The following VARS1 variants were observed in gnomAD, a reference collection of about 807,000 sequenced individuals.
VARS1 encodes the protein valine--tRNA ligase.
Under a neutral mutation model 161.0 loss-of-function variants are expected in VARS1, and 92 were observed. The ratio of observed to expected loss-of-function variants is 0.57; its 90% CI spans 0.48 to 0.68. The LOEUF (loss-of-function observed/expected upper bound fraction) is 0.68. VARS1 is among the 30% of genes least tolerant of loss of function. VARS1 has a pLI of 0.00. For synonymous variants in VARS1, 595 were observed against 682.5 expected (o/e 0.87, Z 2.00); for missense variants, 1,338 against 1,695.9 (o/e 0.79, Z 3.71).
At position 31,791,767 on chromosome 6, in the gene VARS1, A is replaced by C. The variant is rs148412450; in HGVS notation, c.973-30T>G. ...TGGTGGAGAAGGATGGCACATGTTT[A>C]AGGCCTCAGGTCACCTCTCCCAGCC... On this transcript the variant is annotated intron_variant, in intron 7 of 29. Transcript: ENST00000375663. This position sits in a 1 kb window ranked among gnomAD's most constrained non-coding sequence, Gnocchi z 5.0. 1,389 of 1,612,968 alleles carry C rather than the reference A, an allele frequency of 8.6e-4. 11 individuals are homozygous for C. The African/African-American group carries it at 0.016, about 19-fold the overall frequency.
chr6:31,790,937 T>C (rs1436047100), intron 8 of VARS1, among the ~76,000 whole-genome samples: 1 of 151,994 alleles, frequency 6.6e-6, no homozygotes, highest in Non-Finnish European at 1.5e-5. Flanking sequence ...AGGAAGTAGG[T>C]GTGGAGGGGG....
rs530764904 is a variant in VARS1 at position 31,779,763 on chromosome 6, C to T, written c.3133G>A (p.Ala1045Thr). 5.0e-6 allele frequency: 8 copies of T among 1,613,006 alleles called. No homozygotes were observed. The Admixed American group carries it at 1.0e-4, about 20-fold the overall frequency. The change falls in exon 27 of 30, where the codon GCC becomes ACC. Residue 1045 changes from alanine (A) to threonine (T), a missense_variant. Around this residue, in one of 3 missense-constraint regions of VARS1, gnomAD observed 433 missense variants for 586.2 expected, o/e 0.74. Coordinates refer to ENST00000375663, the MANE Select transcript of VARS1 (RefSeq NM_006295.3). This position sits in a 1 kb window ranked among gnomAD's most constrained non-coding sequence, Gnocchi z 9.1. ...NGVDQVAAEC[A>T]RQTLYTCLDV... is the part of the protein sequence containing the mutation. The stretch of plus-strand genomic sequence containing the variant: ...AGGCAAGTGTACAGGGTCTGGCGGG[C>T]ACACTCAGCTGCCACCTGGTCCACC...
At position 31,782,545 on chromosome 6, in the gene VARS1, A is replaced by T; in HGVS notation, c.1976T>A (p.Val659Glu). ...LFRGIEDNPM[V>E]VPLCNRSKDV... ...CCACCCTCACTTGCAAAGTGGCACC[A>T]CCATGGGGTTGTCCTCAATGCCACG... The change falls in exon 16 of 30, where the codon GTG becomes GAG. Residue 659 changes from valine (V) to glutamate (E), a missense_variant. Coordinates refer to ENST00000375663, the MANE Select transcript of VARS1 (RefSeq NM_006295.3). This position sits in a 1 kb window ranked among gnomAD's most constrained non-coding sequence, Gnocchi z 8.3. 2 of 1,612,894 alleles carry T rather than the reference A, an allele frequency of 1.2e-6. No individual in the cohort carries two copies. The highest frequency in any genetic ancestry group is 1.7e-6 in the Non-Finnish European group (2 of 1,179,986).
rs986321036 is a variant in VARS1, at chr6:31,791,528, A to T, written c.1100+82T>A. On this transcript the variant is annotated intron_variant, in intron 8 of 29. Transcript: ENST00000375663. This position sits in a 1 kb window ranked among gnomAD's most constrained non-coding sequence, Gnocchi z 5.0. ...GAAGTGAGCACCAACCCAGAAGGAG[A>T]GAGGCTCGGGGGGCTGTCAGGGAAA... is the stretch of plus-strand genomic sequence containing the variant. The T allele has an allele frequency of 5.9e-6, 9 of 1,517,388 alleles. No individual in the cohort carries two copies. The highest frequency in any genetic ancestry group is 5.5e-5 in the African/African-American group (4 of 72,108). 94.0% of individuals were successfully genotyped at this position (1,517,388 alleles called of 1,614,324 possible).
intron 2 of VARS1, 29 bp downstream of exon 2, chr6:31,794,802 C>T: frequency 6.6e-7 from 1 of 1,515,356 alleles, no homozygotes. Flanking sequence ...GAATTTCTCC[C>T]CTCCCCCTCT....
Position 31,792,816 on chromosome 6 carries a change from C to A in VARS1, c.602G>T (p.Arg201Leu). ...FVTCVRQPEF[R>L]AVLGEVVLYS... ...TAGAACCACTTCTCCTAGCACGGCTCGGAATTCTGGCTGCCGGACACACGT... is the reference window on the plus strand; with the variant it reads ...TAGAACCACTTCTCCTAGCACGGCTAGGAATTCTGGCTGCCGGACACACGT... The change falls in exon 4 of 30, where the codon CGA becomes CTA. Residue 201 changes from arginine (R) to leucine (L), a missense_variant. Arg to Leu is a moderately radical substitution (Grantham distance 102, BLOSUM62 -2). Coordinates refer to ENST00000375663, the MANE Select transcript of VARS1 (RefSeq NM_006295.3). 1 of 1,614,156 alleles carries A rather than the reference C, an allele frequency of 6.2e-7. No individual in the cohort carries two copies. Among genetic ancestry groups the A allele is most frequent in the Non-Finnish European group, 8.5e-7 (1 of 1,180,026 alleles).
At position 31,781,985 on chromosome 6, in the gene VARS1, G is replaced by A. The variant is rs756370926; in HGVS notation, c.2242-33C>T. ...AGGTGCAGTGATTACCCAAGGGGGT[G>A]TGTCTGCTTCTGGCTCACCCTGCCC... On this transcript the variant is annotated intron_variant, in intron 18 of 29. Transcript: ENST00000375663. The surrounding 1 kb of genome is among the most constrained non-coding windows in gnomAD (Gnocchi z 6.8). The A allele has an allele frequency of 6.2e-7, 1 of 1,613,054 alleles. No individual in the cohort carries two copies. Among genetic ancestry groups the A allele is most frequent in the South Asian group, 1.1e-5 (1 of 91,080 alleles).
chr6:31,794,742 G>GTAC lies in VARS1; in HGVS notation c.387+86_387+88dup. On this transcript the variant is annotated intron_variant, in intron 2 of 29. Transcript: ENST00000375663. ...TGATCACTCTTTTCCCACATCTGAT[G>GTAC]TACTACCTTCTTGTCTCATTGTCCA... 2.1e-6 allele frequency: 3 copies of GTAC among 1,454,188 alleles called. No homozygotes were observed. In the South Asian group the frequency reaches 4.4e-5, roughly 21 times the overall value. The allele number at this position is 1,454,188 out of a possible 1,614,324, so 90.1% of individuals were successfully genotyped here. A position where few individuals can be genotyped will look rare whatever the true frequency, so the allele number is the denominator to read the frequency against.
Position 31,780,358 on chromosome 6 carries a change from C to T in VARS1, c.2925+83G>A, listed in dbSNP as rs1813054967. The T allele has an allele frequency of 3.9e-6, 6 of 1,557,620 alleles. No individual in the cohort carries two copies. Among genetic ancestry groups the T allele is most frequent in the Non-Finnish European group, 5.2e-6 (6 of 1,151,498 alleles). On this transcript the variant is annotated intron_variant, in intron 25 of 29. Transcript: ENST00000375663. The surrounding 1 kb of genome is among the most constrained non-coding windows in gnomAD (Gnocchi z 5.1). Reference sequence around the variant, plus strand: ...ACTGTCTGTCTCTGTGTCTATCTGTCCCCCCAGCTACATGGAGGCTGCTCC... The same window carrying T: ...ACTGTCTGTCTCTGTGTCTATCTGTTCCCCCAGCTACATGGAGGCTGCTCC...
Position 31,779,856 on chromosome 6 carries a change from C to A in VARS1, c.3082-42G>T. The A allele has an allele frequency of 6.2e-7, 1 of 1,609,226 alleles. No individual in the cohort carries two copies. Among genetic ancestry groups the A allele is most frequent in the South Asian group, 1.1e-5 (1 of 90,900 alleles). ...ACAGGGCTCACGGCTGGAGGTCTAG[C>A]CTTGAGCCCTCGCTGTGCCTGTGAG... is the stretch of plus-strand genomic sequence containing the variant. On this transcript the variant is annotated intron_variant, in intron 26 of 29. Transcript: ENST00000375663. This position sits in a 1 kb window ranked among gnomAD's most constrained non-coding sequence, Gnocchi z 9.1.
rs138566905 is a variant in VARS1 at position 31,779,461 on chromosome 6, G to A, written c.3364C>T (p.Arg1122Trp). 169 of 1,612,570 alleles carry A rather than the reference G, an allele frequency of 1.0e-4. No individual in the cohort carries two copies. Among genetic ancestry groups the A allele is most frequent in the Non-Finnish European group, 1.4e-4 (162 of 1,179,994 alleles). ...ATCCGGGTGAGGTTGTAGTCGGCCC[G>A]CAGGGAGCGCACGGCTCGCGTGATG... ...LSITRAVRSLRADYNLTRIRP... is the reference protein window; with the variant it reads ...LSITRAVRSLWADYNLTRIRP... Residue 1122 changes from arginine to tryptophan, a missense_variant, in exon 28 of 30, where the codon CGG becomes TGG. Arg to Trp is a moderately radical substitution (Grantham distance 101). Around this residue, in one of 3 missense-constraint regions of VARS1, gnomAD observed 433 missense variants for 586.2 expected, o/e 0.74. Coordinates refer to ENST00000375663, the MANE Select transcript of VARS1 (RefSeq NM_006295.3). This position sits in a 1 kb window ranked among gnomAD's most constrained non-coding sequence, Gnocchi z 9.1.
Position 31,795,397 on chromosome 6 carries a change from CGAG to C in VARS1, c.-34+146_-34+148del. Reference sequence around the variant, plus strand: ...TCTGACCAGGCAGGCTGTCAGGAGCCGAGGACCTGGCTCTCAGAGGGGCAGTGT... The same window carrying C: ...TCTGACCAGGCAGGCTGTCAGGAGCCGACCTGGCTCTCAGAGGGGCAGTGT... On this transcript the variant is annotated intron_variant, in intron 1 of 29. Coordinates refer to ENST00000375663, the MANE Select transcript of VARS1 (RefSeq NM_006295.3). This position sits in a 1 kb window ranked among gnomAD's most constrained non-coding sequence, Gnocchi z 6.9. The C allele has an allele frequency of 2.2e-6, 1 of 460,920 alleles. No homozygotes were observed. Among genetic ancestry groups the C allele is most frequent in the Non-Finnish European group, 3.5e-6 (1 of 283,016 alleles). 28.6% of individuals were successfully genotyped at this position (460,920 alleles called of 1,614,324 possible).
Position 31,780,838 on chromosome 6 carries a change from G to T in VARS1, c.2718+32C>A. 6.2e-7 allele frequency: 1 copy of T among 1,614,206 alleles called. No individual in the cohort carries two copies. On this transcript the variant is annotated intron_variant, in intron 23 of 29. Coordinates refer to ENST00000375663, the MANE Select transcript of VARS1 (RefSeq NM_006295.3). The surrounding 1 kb of genome is among the most constrained non-coding windows in gnomAD (Gnocchi z 5.1). ...CCTCAGCCAGCCCCATCCACGCTGTGCTCCTGCTTAGCCCAGCCCAACCCT... is the reference window on the plus strand; with the variant it reads ...CCTCAGCCAGCCCCATCCACGCTGTTCTCCTGCTTAGCCCAGCCCAACCCT...
chr6:31,782,996 A>G lies in VARS1; in HGVS notation c.1762+100T>C, dbSNP rs1813258156. The G allele has an allele frequency of 2.6e-6, 4 of 1,540,670 alleles. No individual in the cohort carries two copies. Among genetic ancestry groups the G allele is most frequent in the African/African-American group, 2.7e-5 (2 of 73,356 alleles). On this transcript the variant is annotated intron_variant, in intron 14 of 29. Transcript: ENST00000375663. This position sits in a 1 kb window ranked among gnomAD's most constrained non-coding sequence, Gnocchi z 8.3. ...TTGAGAACCACCCCAAGCTCTGTCT[A>G]TTTGGCTGAAGCTTATTTTCTTTTT...
At chr6:31,789,040 A>T (rs1813703128) in intron 8 of VARS1, among the ~76,000 whole-genome samples, 1 of 152,040 alleles carries the variant, frequency 6.6e-6, no homozygotes. Context: ...AAAAATGGTA[A>T]AGTTATTTTA....
At chr6:31,788,909 A>G (rs1222491854) in intron 8 of VARS1, among the ~76,000 whole-genome samples, 1 of 152,118 alleles carries the variant, frequency 6.6e-6, no homozygotes, top group Non-Finnish European at 1.5e-5. Context: ...TTATATTCCC[A>G]GTGCTCAGAG....
In VARS1 at chr6:31,795,262, G is replaced by A; in HGVS notation, c.-33-12C>T. Reference sequence around the variant, plus strand: ...CGAAGTGGAAAAACCTAAGGAGAAAGAGAGACAGGGGAAGACTGCGGGATC... The same window carrying A: ...CGAAGTGGAAAAACCTAAGGAGAAAAAGAGACAGGGGAAGACTGCGGGATC... On this transcript the variant is annotated splice_polypyrimidine_tract_variant and intron_variant, in intron 1 of 29. Coordinates refer to ENST00000375663, the MANE Select transcript of VARS1 (RefSeq NM_006295.3). This position sits in a 1 kb window ranked among gnomAD's most constrained non-coding sequence, Gnocchi z 6.9. The A allele has an allele frequency of 7.2e-7, 1 of 1,379,962 alleles. No homozygotes were observed. The highest frequency in any genetic ancestry group is 9.4e-7 in the Non-Finnish European group (1 of 1,063,954). The allele number at this position is 1,379,962 out of a possible 1,614,324, so 85.5% of individuals were successfully genotyped here.
At position 31,782,764 on chromosome 6, in the gene VARS1, A is replaced by G; in HGVS notation, c.1844T>C (p.Met615Thr). Residue 615 changes from methionine to threonine, a missense_variant, in exon 15 of 30, where the codon ATG (methionine) becomes ACG (threonine). Around this residue, in one of 3 missense-constraint regions of VARS1, gnomAD observed 902 missense variants for 1,090.3 expected, o/e 0.83. Transcript: ENST00000375663. The surrounding 1 kb of genome is among the most constrained non-coding windows in gnomAD (Gnocchi z 8.3). Reference protein sequence around the residue: ...QRHGLEAISIMDSRGALINVP... With the variant: ...QRHGLEAISITDSRGALINVP... ...ATTGATGAGGGCCCCCCGGGAGTCCATGATGCTGATGGCCTCCAGCCCGTG... is the reference window on the plus strand; with the variant it reads ...ATTGATGAGGGCCCCCCGGGAGTCCGTGATGCTGATGGCCTCCAGCCCGTG... 1.2e-6 allele frequency: 2 copies of G among 1,613,050 alleles called. No homozygotes were observed. The highest frequency in any genetic ancestry group is 1.7e-6 in the Non-Finnish European group (2 of 1,180,014).
At chr6:31,790,401 A>G (rs1295882758) in intron 8 of VARS1, among the ~76,000 whole-genome samples, 1 of 152,120 alleles carries the variant, frequency 6.6e-6, no homozygotes, top group Non-Finnish European at 1.5e-5. Context: ...CAGGAGTTTG[A>G]GACCAGCCTG....
Sources: allele counts gnomAD v4.1 joint callset (sites outside exome capture counted in the v4.1 genomes callset), GRCh38; gene constraint gnomAD v4.1.1; regional missense constraint gnomAD v4.1.1; non-coding constraint Gnocchi (gnomAD v3.1); transcripts MANE v1.5; gene names NCBI Gene and HGNC (gene_info 2026-07-23, HGNC 2026-07-21).